The following MAGI3 variants were observed in gnomAD, a reference collection of about 807,000 sequenced individuals.
The protein encoded by MAGI3 is membrane associated guanylate kinase, WW and PDZ domain containing 3, also known as membrane-associated guanylate kinase, WW and PDZ domain-containing protein 3.
MAGI3 carries 43 observed loss-of-function variants against 121.8 expected under a neutral mutation model. That is an observed-to-expected ratio of 0.35 (90% CI 0.28 to 0.46). The LOEUF (loss-of-function observed/expected upper bound fraction) is 0.46. Among genes scored for constraint, MAGI3 ranks in the 20% least tolerant of loss-of-function variants. MAGI3 has a pLI of 1.00. For synonymous variants in MAGI3, 553 were observed against 639.3 expected (o/e 0.86, Z 2.04); for missense variants, 1,547 against 1,797.3 (o/e 0.86, Z 2.52).
chr1:113,588,217 C>G (rs561849172), intron 4 of MAGI3, among the ~76,000 whole-genome samples: 38 of 152,268 alleles, frequency 2.5e-4, no homozygotes, highest in Admixed American at 1.4e-3. Flanking sequence ...AGTGAGTAAA[C>G]TCAGGATATC....
At chr1:113,611,229 G>C (rs1354891551) in intron 6 of MAGI3, among the ~76,000 whole-genome samples, 1 of 151,744 alleles carries the variant, frequency 6.6e-6, no homozygotes, top group Non-Finnish European at 1.5e-5. Flanking sequence ...TGAGATTACA[G>C]GAACCTACCA....
intron 1 of MAGI3, among the ~76,000 whole-genome samples, chr1:113,492,954 G>T (rs1472102477): frequency 6.6e-6 from 1 of 151,992 alleles, no homozygotes; most frequent in African/African-American, 2.4e-5. Context: ...TTGCTAAAAT[G>T]GCCATACTGC....
intron 1 of MAGI3, among the ~76,000 whole-genome samples, chr1:113,505,782 A>G (rs1187938803): frequency 2.0e-5 from 3 of 152,164 alleles, no homozygotes; most frequent in Non-Finnish European, 2.9e-5. Context: ...TAGAACAAGT[A>G]AGAAGACCTT....
At chr1:113,661,730 A>G (rs2101002092) in intron 16 of MAGI3, among the ~76,000 whole-genome samples, 1 of 151,852 alleles carries the variant, frequency 6.6e-6, no homozygotes, top group South Asian at 2.1e-4. Context: ...TGTGCAGAGA[A>G]AAGAGAAGGG....
At chr1:113,591,769 A>T (rs971503461) in intron 5 of MAGI3, among the ~76,000 whole-genome samples, 2 of 152,204 alleles carry the variant, frequency 1.3e-5, no homozygotes, top group Non-Finnish European at 2.9e-5. Context: ...TTTAGAACTA[A>T]GCCCCAAAAT....
At position 113,540,999 on chromosome 1, in the gene MAGI3, G is replaced by A. The variant is rs1050162390; in HGVS notation, c.317-8516G>A. On this transcript the variant is annotated intron_variant, in intron 1 of 20. Transcript: ENST00000307546. ...GCTCATGGATTTTCCAGATGTATAG[G>A]CTGCTTAAGCCAAAGAGTTCTTTCT... Among the ~76,000 whole-genome samples, 6 of 152,232 alleles carry A rather than the reference G, an allele frequency of 3.9e-5. No individual in the cohort carries two copies. The South Asian group carries it at 1.0e-3, about 26-fold the overall frequency.
intron 1 of MAGI3, among the ~76,000 whole-genome samples, chr1:113,524,326 AC>A (rs1658354687): frequency 6.6e-6 from 1 of 151,918 alleles, no homozygotes; most frequent in South Asian, 2.1e-4. Context: ...CATCCTCCAG[AC>A]CCCAGAATGG....
chr1:113,436,089 G>C (rs1653552161), intron 1 of MAGI3, among the ~76,000 whole-genome samples: 1 of 151,960 alleles, frequency 6.6e-6, no homozygotes, highest in Non-Finnish European at 1.5e-5. Flanking sequence ...GTTAATACCT[G>C]AATAGTTCAA....
intron 1 of MAGI3, among the ~76,000 whole-genome samples, chr1:113,397,523 A>T (rs1651180058): frequency 6.6e-6 from 1 of 152,192 alleles, no homozygotes. Context: ...AGTGTGGTCC[A>T]TCTCAATAAT....
At chr1:113,532,767 A>G (rs1658786655) in intron 1 of MAGI3, among the ~76,000 whole-genome samples, 1 of 152,188 alleles carries the variant, frequency 6.6e-6, no homozygotes, top group African/African-American at 2.4e-5. Context: ...GAGCTTGGAA[A>G]TGTTAATTTT....
At chr1:113,668,829 G>T (rs531166266) in intron 16 of MAGI3, among the ~76,000 whole-genome samples, 1 of 151,814 alleles carries the variant, frequency 6.6e-6, no homozygotes, top group Non-Finnish European at 1.5e-5. Flanking sequence ...TGATCCACCC[G>T]CCTCAGCCTC....
At position 113,646,478 on chromosome 1, in the gene MAGI3, C is replaced by A; in HGVS notation, c.1999-8C>A. The A allele has an allele frequency of 6.3e-7, 1 of 1,580,800 alleles. No homozygotes were observed. ...AAAAATACTAAGTAAGGCTCTTTTC[C>A]ATTTCAGAAAACAGATAAAAAGGAA... On this transcript the variant is annotated splice_polypyrimidine_tract_variant and splice_region_variant and intron_variant, in intron 11 of 20. Transcript: ENST00000307546.
At chr1:113,636,996 C>T (rs918465061) in intron 9 of MAGI3, among the ~76,000 whole-genome samples, 28 of 152,256 alleles carry the variant, frequency 1.8e-4, no homozygotes, top group African/African-American at 6.7e-4. Flanking sequence ...CCTTCTTTGT[C>T]TCTTTTGATC....
chr1:113,402,224 T>A (rs1290775177), intron 1 of MAGI3, among the ~76,000 whole-genome samples: 1 of 152,184 alleles, frequency 6.6e-6, no homozygotes, highest in African/African-American at 2.4e-5. Flanking sequence ...CTAAGTGTAA[T>A]GTGCTAGACT....
intron 1 of MAGI3, among the ~76,000 whole-genome samples, chr1:113,458,498 T>C (rs1654879260): frequency 6.6e-6 from 1 of 152,100 alleles, no homozygotes; most frequent in Non-Finnish European, 1.5e-5. Flanking sequence ...TTACTTTCAA[T>C]TTTTATGTTT....
intron 1 of MAGI3, among the ~76,000 whole-genome samples, chr1:113,475,961 T>C: frequency 6.6e-6 from 1 of 152,136 alleles, no homozygotes; most frequent in Non-Finnish European, 1.5e-5. Flanking sequence ...CTTGGGAGGG[T>C]GTATGTGTCC....
Position 113,642,042 on chromosome 1 carries a change from G to A in MAGI3, c.1492G>A (p.Asp498Asn), listed in dbSNP as rs745449882. The change falls in exon 10 of 21, where the codon GAT becomes AAT. Residue 498 changes from aspartate (D) to asparagine (N), a missense_variant. Coordinates refer to ENST00000307546, the MANE Select transcript of MAGI3 (RefSeq NM_001142782.2). Reference protein sequence around the residue: ...LTLCRGYPLPDDSEDPVVDIV... With the variant: ...LTLCRGYPLPNDSEDPVVDIV... The stretch of plus-strand genomic sequence containing the variant: ...TTTATGTCGTGGTTATCCACTTCCT[G>A]ATGACAGTGAAGATCCTGTTGTGGA... 17 of 1,614,132 alleles carry A rather than the reference G, an allele frequency of 1.1e-5. No individual in the cohort carries two copies. Among genetic ancestry groups the A allele is most frequent in the Middle Eastern group, 1.6e-4 (1 of 6,062 alleles).
chr1:113,514,352 A>G (rs1248859506), intron 1 of MAGI3, among the ~76,000 whole-genome samples: 1 of 152,204 alleles, frequency 6.6e-6, no homozygotes, highest in Non-Finnish European at 1.5e-5. Flanking sequence ...ACTATTCACC[A>G]TAGCAAAGAC....
At chr1:113,653,694 C>T (rs1653308249) in intron 14 of MAGI3, 136 bp from the exon 15 acceptor site, 1 of 655,642 alleles carries the variant, frequency 1.5e-6, no homozygotes, top group Non-Finnish European at 2.4e-6. Flanking sequence ...ACCCGAAGCT[C>T]ACATGTGGGG....
Sources: gnomAD v4.1 joint callset for allele counts (sites outside exome capture counted in the v4.1 genomes callset) on GRCh38, gnomAD v4.1.1 for gene constraint, MANE v1.5 for transcripts, NCBI Gene and HGNC (gene_info 2026-07-23, HGNC 2026-07-21) for gene names.